Variants in VTCN1 observed in about 807,000 individuals in gnomAD.
The protein encoded by VTCN1 is V-set domain containing T cell activation inhibitor 1.
In VTCN1, 26 loss-of-function variants were observed where a neutral mutation model predicts 26.5. That is an observed-to-expected ratio of 0.98 (90% confidence interval 0.72 to 1.36). The LOEUF (loss-of-function observed/expected upper bound fraction) is 1.36. Ranked by LOEUF, VTCN1 falls within the 40% of genes most tolerant of loss-of-function variation. The pLI, the probability that VTCN1 is intolerant of heterozygous loss-of-function variation, is 0.00. For missense variants in VTCN1, 298 were observed against 337.7 expected (o/e 0.88, Z 0.92); for synonymous variants, 116 against 130.7 (o/e 0.89, Z 0.77).
chr1:117,184,147 A>G (rs1368652596), intron 1 of VTCN1, among the ~76,000 whole-genome samples: 3 of 152,156 alleles, frequency 2.0e-5, no homozygotes, highest in Non-Finnish European at 4.4e-5. Context: ...CAGGGAATAT[A>G]TATTTTTTTC....
At chr1:117,153,034 T>C in intron 4 of VTCN1, 57 bp downstream of exon 4, 1 of 1,544,760 alleles carries the variant, frequency 6.5e-7, no homozygotes. Flanking sequence ...AGTTAAATTT[T>C]AATTTAGATT....
At chr1:117,198,471 T>G (rs1301462728) in intron 1 of VTCN1, among the ~76,000 whole-genome samples, 2 of 152,200 alleles carry the variant, frequency 1.3e-5, no homozygotes, top group African/African-American at 2.4e-5. Flanking sequence ...GTACTCTGAT[T>G]CTACCCCCAT....
rs1652365991 is a variant in VTCN1 at position 117,161,464 on chromosome 1, G to A, written c.98-4543C>T. On this transcript the variant is annotated intron_variant, in intron 2 of 5. Coordinates refer to ENST00000369458, the MANE Select transcript of VTCN1 (RefSeq NM_024626.4). This position sits in a 1 kb window ranked among gnomAD's most constrained non-coding sequence, Gnocchi z 4.3. The stretch of plus-strand genomic sequence containing the variant: ...TTTCCTGTAACTTTTTGTCTTTTTG[G>A]CCTTTATTATAGCAGCTGTCTCCCT... Among the ~76,000 whole-genome samples, 1 of 152,030 alleles carries A rather than the reference G, an allele frequency of 6.6e-6. No individual in the cohort carries two copies. The highest frequency in any genetic ancestry group is 1.9e-4 in the East Asian group (1 of 5,168).
At chr1:117,195,620 G>C (rs558949407) in intron 1 of VTCN1, among the ~76,000 whole-genome samples, 9 of 152,276 alleles carry the variant, frequency 5.9e-5, no homozygotes, top group African/African-American at 1.9e-4. Flanking sequence ...GGCAGGGTTA[G>C]TGCTGGTTCT....
At chr1:117,178,810 C>G (rs1330962167) in intron 1 of VTCN1, among the ~76,000 whole-genome samples, 1 of 151,972 alleles carries the variant, frequency 6.6e-6, no homozygotes, top group Non-Finnish European at 1.5e-5. Flanking sequence ...AAGCTGGTCT[C>G]AAACTCCTGG....
rs1648894127 is a variant in VTCN1, at chr1:117,203,454, AAAAG to A, written c.32+7366_32+7369del. Among the ~76,000 whole-genome samples, 3 of 152,178 alleles carry A rather than the reference AAAAG, an allele frequency of 2.0e-5. No homozygotes were observed. In the South Asian group the frequency reaches 6.3e-4, roughly 32 times the overall value. On this transcript the variant is annotated intron_variant, in intron 1 of 5. Coordinates refer to ENST00000369458, the MANE Select transcript of VTCN1 (RefSeq NM_024626.4). ...GAAATTTTTCATTTTAAATTGCAGAAAAAGAAAGAGGAAAAACTGCCTGCCCTCT... is the reference window on the plus strand; with the variant it reads ...GAAATTTTTCATTTTAAATTGCAGAAAAAGAGGAAAAACTGCCTGCCCTCT...
chr1:117,193,929 T>C (rs1421714067), intron 1 of VTCN1, among the ~76,000 whole-genome samples: 2 of 152,032 alleles, frequency 1.3e-5, no homozygotes, highest in South Asian at 4.1e-4. Flanking sequence ...GAAGAAAATA[T>C]AGGAAAAAAG....
chr1:117,156,657 T>C lies in VTCN1; in HGVS notation c.362A>G (p.Gln121Arg). Residue 121 changes from glutamine to arginine, a missense_variant, in exon 3 of 6, where the codon CAA (glutamine) becomes CGA (arginine). Physicochemically the swap from Gln to Arg is conservative, Grantham distance 43 (BLOSUM62 1). Transcript: ENST00000369458. ...GNASLRLKNV[Q>R]LTDAGTYKCY... Reference sequence around the variant, plus strand: ...TTTGTAGGTGCCAGCATCTGTGAGTTGCACGTTTTTCAGCCGCAAAGAGGC... The same window carrying C: ...TTTGTAGGTGCCAGCATCTGTGAGTCGCACGTTTTTCAGCCGCAAAGAGGC... The C allele has an allele frequency of 1.9e-6, 3 of 1,614,152 alleles. No homozygotes were observed. Among genetic ancestry groups the C allele is most frequent in the Non-Finnish European group, 1.7e-6 (2 of 1,180,024 alleles).
chr1:117,206,966 G>A (rs1369920284), intron 1 of VTCN1, among the ~76,000 whole-genome samples: 1 of 152,138 alleles, frequency 6.6e-6, no homozygotes, highest in Non-Finnish European at 1.5e-5. Flanking sequence ...AGATTTTATA[G>A]GCTCAGGGAA....
At chr1:117,192,997 C>T (rs1648320523) in intron 1 of VTCN1, among the ~76,000 whole-genome samples, 1 of 152,040 alleles carries the variant, frequency 6.6e-6, no homozygotes, top group East Asian at 1.9e-4. Flanking sequence ...AATAACAACA[C>T]AGCAATAACA....
rs1223392581 is a variant in VTCN1, at chr1:117,144,919, T to A, written c.*352A>T. On this transcript the variant is annotated 3_prime_UTR_variant, in exon 6 of 6. Coordinates refer to ENST00000369458, the MANE Select transcript of VTCN1 (RefSeq NM_024626.4). ...AAATTCAGAGACAAAGAACATGCAC[T>A]ATCCTGTCCTCTCACTCCCCAGGTG... 6.6e-6 allele frequency: 1 copy of A among 152,586 alleles called. No homozygotes were observed. Among genetic ancestry groups the A allele is most frequent in the Non-Finnish European group, 1.5e-5 (1 of 68,028 alleles). The allele number at this position is 152,586 out of a possible 1,614,324, so 9.5% of individuals were successfully genotyped here. A position where few individuals can be genotyped will look rare whatever the true frequency, so the allele number is the denominator to read the frequency against.
chr1:117,188,020 A>T (rs1648034188), intron 1 of VTCN1, among the ~76,000 whole-genome samples: 1 of 152,150 alleles, frequency 6.6e-6, no homozygotes, highest in Non-Finnish European at 1.5e-5. Context: ...GTAGGAAAAG[A>T]TTTGGGAAGA....
In VTCN1 at chr1:117,153,309, T is replaced by A. The variant is rs576065477; in HGVS notation, c.506A>T (p.Glu169Val). Reference sequence around the variant, plus strand: ...GGGCTGGGGGAACCATCGGGGAGCCTCACACCGCAAGGTCTCTGAGCTGGC... The same window carrying A: ...GGGCTGGGGGAACCATCGGGGAGCCACACACCGCAAGGTCTCTGAGCTGGC... ...YNASSETLRCEAPRWFPQPTV... is the reference protein window; with the variant it reads ...YNASSETLRCVAPRWFPQPTV... The change falls in exon 4 of 6, where the codon GAG (glutamate) becomes GTG (valine). Residue 169 changes from glutamate (E) to valine (V), a missense_variant. Glu to Val is a moderately radical substitution (Grantham distance 121). Coordinates refer to ENST00000369458, the MANE Select transcript of VTCN1 (RefSeq NM_024626.4). 1 of 1,614,052 alleles carries A rather than the reference T, an allele frequency of 6.2e-7. No homozygotes were observed. Among genetic ancestry groups the A allele is most frequent in the East Asian group, 2.2e-5 (1 of 44,862 alleles).
At chr1:117,199,113 T>A (rs1648666048) in intron 1 of VTCN1, among the ~76,000 whole-genome samples, 2 of 152,186 alleles carry the variant, frequency 1.3e-5, no homozygotes, top group Admixed American at 6.5e-5. Flanking sequence ...TTCTATTCTT[T>A]TGTAATTACC....
intron 3 of VTCN1, among the ~76,000 whole-genome samples, chr1:117,156,199 G>A (rs993208528): frequency 6.6e-6 from 1 of 152,200 alleles, no homozygotes; most frequent in Non-Finnish European, 1.5e-5. Flanking sequence ...TCACTGTCAT[G>A]AGTCTCTGAA....
intron 2 of VTCN1, among the ~76,000 whole-genome samples, chr1:117,164,370 G>A (rs978473687): frequency 3.3e-5 from 5 of 151,952 alleles, no homozygotes; most frequent in African/African-American, 9.7e-5. Context: ...GTGGGGTTGC[G>A]GGGGCGATAC....
At position 117,183,419 on chromosome 1, in the gene VTCN1, T is replaced by G. The variant is rs968790876; in HGVS notation, c.33-13248A>C. 6.6e-6 allele frequency among the ~76,000 whole-genome samples: 1 copy of G among 152,224 alleles called. No individual in the cohort carries two copies. The highest frequency in any genetic ancestry group is 1.5e-5 in the Non-Finnish European group (1 of 68,046). On this transcript the variant is annotated intron_variant, in intron 1 of 5. Coordinates refer to ENST00000369458, the MANE Select transcript of VTCN1 (RefSeq NM_024626.4). The surrounding 1 kb of genome is among the most constrained non-coding windows in gnomAD (Gnocchi z 4.1). Reference sequence around the variant, plus strand: ...TGAGAGAAACTAACACATTCTTAACTTTTGAGAAACCATTTATGGGAGAAA... The same window carrying G: ...TGAGAGAAACTAACACATTCTTAACGTTTGAGAAACCATTTATGGGAGAAA...
chr1:117,168,904 T>C (rs1269519190), intron 2 of VTCN1, among the ~76,000 whole-genome samples: 2 of 152,088 alleles, frequency 1.3e-5, no homozygotes, highest in African/African-American at 2.4e-5. Flanking sequence ...CTAAAAAATA[T>C]ATGATTGATG....
In VTCN1 at chr1:117,170,000, G is replaced by T; in HGVS notation, c.97+107C>A. The T allele has an allele frequency of 9.6e-7, 1 of 1,041,458 alleles. No individual in the cohort carries two copies. Among genetic ancestry groups the T allele is most frequent in the Non-Finnish European group, 1.5e-6 (1 of 672,418 alleles). The allele number at this position is 1,041,458 out of a possible 1,614,324, so 64.5% of individuals were successfully genotyped here. A position where few individuals can be genotyped will look rare whatever the true frequency, so the allele number is the denominator to read the frequency against. On this transcript the variant is annotated intron_variant, in intron 2 of 5. Transcript: ENST00000369458. This position sits in a 1 kb window ranked among gnomAD's most constrained non-coding sequence, Gnocchi z 4.0. ...TAGAAGAATGAATGCTATACTCTGAGGTTTTCTGGGTCAAAGCTCTGGGCT... is the reference window on the plus strand; with the variant it reads ...TAGAAGAATGAATGCTATACTCTGATGTTTTCTGGGTCAAAGCTCTGGGCT...
Sources: allele counts gnomAD v4.1 joint callset (sites outside exome capture counted in the v4.1 genomes callset), GRCh38; gene constraint gnomAD v4.1.1; non-coding constraint Gnocchi (gnomAD v3.1); transcripts MANE v1.5; gene names NCBI Gene and HGNC (gene_info 2026-07-23, HGNC 2026-07-21).